Variants in SNTB1 observed in about 807,000 individuals in gnomAD.
The protein encoded by SNTB1 is syntrophin beta 1, also known as beta-1-syntrophin.
SNTB1 carries 36 observed loss-of-function variants against 48.9 expected under a neutral mutation model. That is an observed-to-expected ratio of 0.74 (90% confidence interval 0.56 to 0.97). The LOEUF (loss-of-function observed/expected upper bound fraction) is 0.97, where lower values mean the gene tolerates loss of function less well. Ranked by LOEUF, SNTB1 falls within the 50% of genes least tolerant of loss-of-function variation. SNTB1 has a pLI of 0.00. For synonymous variants in SNTB1, 299 were observed against 294.6 expected (o/e 1.01, Z -0.15); for missense variants, 786 against 703.4 (o/e 1.12, Z -1.33).
chr8:120,541,422 C>T (rs912562600), intron 6 of SNTB1, among the ~76,000 whole-genome samples: 1 of 152,164 alleles, frequency 6.6e-6, no homozygotes, highest in Non-Finnish European at 1.5e-5. Flanking sequence ...GGAGACTTCC[C>T]TGACGGTAGG....
At chr8:120,780,213 C>T (rs1819811278) in intron 1 of SNTB1, among the ~76,000 whole-genome samples, 1 of 152,164 alleles carries the variant, frequency 6.6e-6, no homozygotes, top group Non-Finnish European at 1.5e-5. Context: ...GAAAACACAA[C>T]TCCTTCTACA....
intron 5 of SNTB1, among the ~76,000 whole-genome samples, chr8:120,543,168 T>A (rs1430230982): frequency 1.3e-5 from 2 of 152,196 alleles, no homozygotes; most frequent in Non-Finnish European, 1.5e-5. Flanking sequence ...GCATCCTAAT[T>A]CCTATTTAGG....
At chr8:120,574,591 A>C (rs1219750551) in intron 4 of SNTB1, among the ~76,000 whole-genome samples, 1 of 152,342 alleles carries the variant, frequency 6.6e-6, no homozygotes, top group East Asian at 1.9e-4. Flanking sequence ...GAAGGACCTG[A>C]AAAACCGAGC....
intron 4 of SNTB1, among the ~76,000 whole-genome samples, chr8:120,563,805 G>A (rs1039934494): frequency 2.0e-5 from 3 of 151,974 alleles, no homozygotes; most frequent in East Asian, 1.9e-4. Flanking sequence ...GCCCTACTAC[G>A]TGTGTTTATG....
In SNTB1 at chr8:120,796,438, C is replaced by G. The variant is rs566751889; in HGVS notation, c.571+14835G>C. On this transcript the variant is annotated intron_variant, in intron 1 of 6. Transcript: ENST00000517992. Reference sequence around the variant, plus strand: ...TCAACCTATGAATTTTGGGGTGACACAGTCAATCCAAAAAATAGAGATTAA... The same window carrying G: ...TCAACCTATGAATTTTGGGGTGACAGAGTCAATCCAAAAAATAGAGATTAA... Among the ~76,000 whole-genome samples the G allele has an allele frequency of 3.0e-4, 46 of 152,002 alleles. 2 individuals carry two copies. In the South Asian group the frequency reaches 9.1e-3, roughly 30 times the overall value.
At chr8:120,785,715 A>AC (rs77488019) in intron 1 of SNTB1, among the ~76,000 whole-genome samples, 29,741 of 151,970 alleles carry the variant, frequency 0.2, 3,213 homozygotes, top group Middle Eastern at 0.26. Context: ...ACTGCCTGAG[A>AC]CCCCAGAGTA....
intron 3 of SNTB1, among the ~76,000 whole-genome samples, chr8:120,616,480 T>G (rs937407065): frequency 5.8e-5 from 8 of 139,022 alleles, no homozygotes; most frequent in Non-Finnish European, 1.2e-4. Flanking sequence ...AAAAAAAGTT[T>G]TTTTTTTTTT....
rs576982223 is a variant in SNTB1 at position 120,633,972 on chromosome 8, C to T, written c.789-1321G>A. The stretch of plus-strand genomic sequence containing the variant: ...GTGTAGATTTGTATAAACCCCACTG[C>T]AATCACAATGCAGAACTACTCCATC... On this transcript the variant is annotated intron_variant, in intron 2 of 6. Coordinates refer to ENST00000517992, the MANE Select transcript of SNTB1 (RefSeq NM_021021.4). 8.5e-5 allele frequency among the ~76,000 whole-genome samples: 13 copies of T among 152,160 alleles called. No individual in the cohort carries two copies. The South Asian group carries it at 2.3e-3, about 27-fold the overall frequency.
chr8:120,632,359 T>C (rs1816996387), intron 3 of SNTB1, 85 bp downstream of exon 3: 1 of 1,221,284 alleles, frequency 8.2e-7, no homozygotes, highest in Admixed American at 2.0e-5. Flanking sequence ...AGAATCAGCC[T>C]ATGGGATGAG....
At chr8:120,785,367 C>G (rs1190750191) in intron 1 of SNTB1, among the ~76,000 whole-genome samples, 1 of 152,168 alleles carries the variant, frequency 6.6e-6, no homozygotes, top group African/African-American at 2.4e-5. Flanking sequence ...TACAGGCTGC[C>G]TGGAACCCAG....
chr8:120,635,551 A>G, intron 2 of SNTB1: 1 of 159,328 alleles, frequency 6.3e-6, no homozygotes, highest in South Asian at 2.1e-4. Context: ...TACCTCCACC[A>G]TCTTTCCTAA....
chr8:120,729,711 C>T (rs1818820403), intron 1 of SNTB1, among the ~76,000 whole-genome samples: 11 of 152,214 alleles, frequency 7.2e-5, no homozygotes, highest in Admixed American at 6.5e-4. Context: ...TGTCTAAGAG[C>T]CTGAAAATGA....
In SNTB1 at chr8:120,693,683, C is replaced by T. The variant is rs1341982087; in HGVS notation, c.788+9G>A. On this transcript the variant is annotated intron_variant, in intron 2 of 6. Transcript: ENST00000517992. ...GCTTGATACAGTGGAGAGTTTTGAC[C>T]CTATTTACCTGTTCTCAGGGTCGGC... The T allele has an allele frequency of 2.5e-6, 4 of 1,612,796 alleles. No homozygotes were observed. In the South Asian group the frequency reaches 3.3e-5, roughly 13 times the overall value.
chr8:120,601,826 T>C lies in SNTB1; in HGVS notation c.997-26601A>G, dbSNP rs553319224. ...TGTCTACAAGACGCGCATGCCAACC[T>C]ACACGTGTTTTCCACTTGGTTCAGT... On this transcript the variant is annotated intron_variant, in intron 3 of 6. Transcript: ENST00000517992. Among the ~76,000 whole-genome samples, 36 of 152,360 alleles carry C rather than the reference T, an allele frequency of 2.4e-4. 1 individual carries two copies. The highest frequency in any genetic ancestry group is 8.7e-4 in the African/African-American group (36 of 41,592).
chr8:120,577,263 C>T (rs1423508076), intron 3 of SNTB1, among the ~76,000 whole-genome samples: 2 of 152,182 alleles, frequency 1.3e-5, no homozygotes, highest in African/African-American at 2.4e-5. Context: ...TCCCCGACTC[C>T]GCTGCTGTAA....
chr8:120,744,718 A>G (rs542601050), intron 1 of SNTB1, among the ~76,000 whole-genome samples: 6 of 152,330 alleles, frequency 3.9e-5, no homozygotes, highest in African/African-American at 1.4e-4. Flanking sequence ...TCAGACTCCT[A>G]AAACCAAAAC....
rs762326336 is a variant in SNTB1 at position 120,548,846 on chromosome 8, T to G, written c.1249A>C (p.Thr417Pro). 6.2e-7 allele frequency: 1 copy of G among 1,614,050 alleles called. No homozygotes were observed. The change falls in exon 5 of 7, where the codon ACC becomes CCC. Residue 417 changes from threonine to proline, a missense_variant. Thr to Pro is a conservative substitution (Grantham distance 38). Transcript: ENST00000517992. ...GIETHLFRAE[T>P]SRDLSHWTRS... is the part of the protein sequence containing the mutation. ...GTCCAGTGGGAGAGGTCCCTGCTGGTCTCTGCTCTGAAGAGATGTGTTTCA... is the reference window on the plus strand; with the variant it reads ...GTCCAGTGGGAGAGGTCCCTGCTGGGCTCTGCTCTGAAGAGATGTGTTTCA...
chr8:120,630,858 T>G (rs965105270), intron 3 of SNTB1, among the ~76,000 whole-genome samples: 1 of 152,152 alleles, frequency 6.6e-6, no homozygotes, highest in African/African-American at 2.4e-5. Context: ...AAGAGGCCTT[T>G]CTTCACTGAG....
intron 2 of SNTB1, among the ~76,000 whole-genome samples, chr8:120,666,938 T>G (rs954284647): frequency 6.6e-6 from 1 of 152,184 alleles, no homozygotes; most frequent in Non-Finnish European, 1.5e-5. Flanking sequence ...AACTTTTTGA[T>G]CATAAGGAAT....
Sources: gnomAD v4.1 joint callset for allele counts (sites outside exome capture counted in the v4.1 genomes callset) on GRCh38, gnomAD v4.1.1 for gene constraint, MANE v1.5 for transcripts, NCBI Gene and HGNC (gene_info 2026-07-23, HGNC 2026-07-21) for gene names.